TANK: variants seen among roughly 807,000 people sequenced by gnomAD.
TANK encodes the protein TRAF family member associated NFKB activator, also known as TRAF family member-associated NF-kappa-B activator.
In TANK, 15 loss-of-function variants were observed where a neutral mutation model predicts 43.6. The observed-to-expected ratio is 0.34, with a 90% confidence interval of 0.23 to 0.53. The LOEUF (loss-of-function observed/expected upper bound fraction) is 0.53. TANK is among the 20% of genes least tolerant of loss of function. The pLI, the probability that TANK is intolerant of heterozygous loss-of-function variation, is 0.94. For missense variants in TANK, 417 were observed against 498.6 expected (o/e 0.84, Z 1.56); for synonymous variants, 162 against 178.2 (o/e 0.91, Z 0.73).
intron 4 of TANK, chr2:161,216,591 A>C (rs1687127610): frequency 2.3e-5 from 3 of 131,390 alleles, no homozygotes; most frequent in Non-Finnish European, 3.2e-5. Context: ...TTTCTTGGCC[A>C]AAAAAAAAAA....
At chr2:161,232,752 G>A in intron 7 of TANK, 1 of 1,550,034 alleles carries the variant, frequency 6.5e-7, no homozygotes, top group Non-Finnish European at 8.7e-7. Context: ...TCATGTTTCA[G>A]TAGATGGCAC....
At chr2:161,160,420 T>C, upstream of TANK, 2 of 1,240,560 alleles carry the variant, frequency 1.6e-6, no homozygotes, top group Non-Finnish European at 1.0e-6. Context: ...CAACTTCCGG[T>C]TGGAGTCACT....
At chr2:161,202,825 A>G (rs1433980923) in intron 2 of TANK, 3 of 464,782 alleles carry the variant, frequency 6.5e-6, no homozygotes, top group Non-Finnish European at 1.3e-5. Flanking sequence ...ATTCCTCAGT[A>G]CAAACTTGTG....
rs963730755 is a variant in TANK at position 161,182,126 on chromosome 2, T to TA, written c.99+2376dup. Among the ~76,000 whole-genome samples, 255 of 147,842 alleles carry TA rather than the reference T, an allele frequency of 1.7e-3. 1 individual carries two copies. The highest frequency in any genetic ancestry group is 5.4e-3 in the African/African-American group (220 of 40,530). ...AGGTTTAAGGCATAACCATTTTTAT[T>TA]AAAAAAAAAAATCTCAGAGTTTATT... On this transcript the variant is annotated intron_variant, in intron 2 of 7. Transcript: ENST00000392749.
At chr2:161,173,793 C>T (rs1036883836) in intron 1 of TANK, among the ~76,000 whole-genome samples, 1 of 152,174 alleles carries the variant, frequency 6.6e-6, no homozygotes, top group African/African-American at 2.4e-5. Context: ...GTGTTCAACA[C>T]TGAACCAGTC....
intron 2 of TANK, among the ~76,000 whole-genome samples, chr2:161,196,230 T>C (rs938842891): frequency 6.6e-6 from 1 of 152,138 alleles, no homozygotes; most frequent in Admixed American, 6.5e-5. Context: ...AACCAGACTT[T>C]TGGCGGGGTA....
intron 6 of TANK, among the ~76,000 whole-genome samples, chr2:161,230,224 C>G (rs780584783): frequency 6.6e-6 from 1 of 152,162 alleles, no homozygotes; most frequent in Non-Finnish European, 1.5e-5. Flanking sequence ...TCCTCAGAAG[C>G]TCTGTTTTCT....
chr2:161,161,014 G>A, intron 1 of TANK: 2 of 493,368 alleles, frequency 4.1e-6, no homozygotes, highest in Non-Finnish European at 7.3e-6. Flanking sequence ...TGAGAAGTTG[G>A]GTAACTTCCC....
chr2:161,160,058 G>T (rs75275405), upstream of TANK: 159 of 194,104 alleles, frequency 8.2e-4, no homozygotes, highest in East Asian at 0.016. Flanking sequence ...ACTACATTTT[G>T]TTTCTCAGGT....
upstream of TANK, chr2:161,156,116 C>A (rs1684219869): frequency 1.0e-5 from 10 of 985,216 alleles, no homozygotes; most frequent in South Asian, 4.2e-4. Flanking sequence ...TGGTTGCCGT[C>A]TCTGTTCTAT....
At chr2:161,189,192 C>G (rs1259354624) in intron 2 of TANK, among the ~76,000 whole-genome samples, 2 of 152,122 alleles carry the variant, frequency 1.3e-5, no homozygotes, top group African/African-American at 4.8e-5. Context: ...CATATCATGA[C>G]AAAGTGAGAC....
intron 7 of TANK, among the ~76,000 whole-genome samples, chr2:161,234,196 A>G (rs1324195139): frequency 6.6e-6 from 1 of 152,226 alleles, no homozygotes; most frequent in East Asian, 1.9e-4. Flanking sequence ...TCCATTAGTA[A>G]TATACTGTTT....
chr2:161,207,963 A>T, intron 4 of TANK: 1 of 904,638 alleles, frequency 1.1e-6, no homozygotes, highest in African/African-American at 1.8e-5. Context: ...CACATTCCCA[A>T]TCAATTGGCC....
chr2:161,226,511 A>G (rs974271194), intron 6 of TANK, among the ~76,000 whole-genome samples: 11 of 152,182 alleles, frequency 7.2e-5, no homozygotes, highest in Admixed American at 5.2e-4. Context: ...TGTATGCTAC[A>G]CTGTATAAAA....
intron 4 of TANK, among the ~76,000 whole-genome samples, chr2:161,216,775 C>G (rs769661796): frequency 2.6e-5 from 4 of 152,080 alleles, no homozygotes; most frequent in Non-Finnish European, 4.4e-5. Context: ...GTTAAATTTT[C>G]TACAAGATGT....
At chr2:161,152,565 T>C (rs1042833913) in intron 1 of TANK, among the ~76,000 whole-genome samples, 9 of 152,170 alleles carry the variant, frequency 5.9e-5, no homozygotes, top group Non-Finnish European at 1.0e-4. Flanking sequence ...GCTTTCAATA[T>C]TCTCTCTTTG....
At chr2:161,187,758 A>G (rs1251151784) in intron 2 of TANK, among the ~76,000 whole-genome samples, 1 of 152,204 alleles carries the variant, frequency 6.6e-6, no homozygotes, top group East Asian at 1.9e-4. Flanking sequence ...CCCCAGCAAC[A>G]ACAGAATACA....
At chr2:161,199,147 A>G (rs1686291447) in intron 2 of TANK, among the ~76,000 whole-genome samples, 1 of 152,118 alleles carries the variant, frequency 6.6e-6, no homozygotes, top group African/African-American at 2.4e-5. Context: ...AGAGCTTCCT[A>G]TGGAGAGCAT....
chr2:161,148,649 A>G (rs184043378), intron 1 of TANK, among the ~76,000 whole-genome samples: 10 of 152,306 alleles, frequency 6.6e-5, no homozygotes, highest in African/African-American at 2.4e-4. Context: ...TTATGGTTTT[A>G]TCTCTTATAT....
Sources: allele counts gnomAD v4.1 joint callset (sites outside exome capture counted in the v4.1 genomes callset), GRCh38; gene constraint gnomAD v4.1.1; transcripts MANE v1.5; gene names NCBI Gene and HGNC (gene_info 2026-07-23, HGNC 2026-07-21).